The following GDI2 variants were observed in gnomAD, a reference collection of about 807,000 sequenced individuals.
GDI2 encodes the protein rab GDP dissociation inhibitor beta.
Under a neutral mutation model 54.2 loss-of-function variants are expected in GDI2, and 22 were observed. That is an observed-to-expected ratio of 0.41 (90% CI 0.29 to 0.58). The LOEUF is 0.58. Ranked by LOEUF, GDI2 falls within the 20% of genes least tolerant of loss-of-function variation. The pLI is 0.35. For synonymous variants in GDI2, 177 were observed against 182.1 expected (o/e 0.97, Z 0.23); for missense variants, 422 against 546.0 (o/e 0.77, Z 2.26).
In GDI2 at chr10:5,785,849, T is replaced by TA; in HGVS notation, c.587+2dup. ...ATACAAATCTAAAAACCAAAATACT[T>TA]ACTCATCAGTTCTGTAAAGTGCAAG... is the stretch of plus-strand genomic sequence containing the variant. On this transcript the variant is annotated splice_region_variant and intron_variant, in intron 5 of 10. Transcript: ENST00000380191. 6.5e-7 allele frequency: 1 copy of TA among 1,539,226 alleles called. No individual in the cohort carries two copies. The highest frequency in any genetic ancestry group is 8.9e-7 in the Non-Finnish European group (1 of 1,121,830).
intron 6 of GDI2, among the ~76,000 whole-genome samples, chr10:5,779,555 C>T (rs1045101900): frequency 2.0e-5 from 3 of 150,294 alleles, no homozygotes; most frequent in African/African-American, 7.3e-5. Flanking sequence ...TAGATCTAGA[C>T]AGTATAAAAA....
rs760404057 is a variant in GDI2, at chr10:5,800,631, T to G, written c.120A>C (p.Gly40=). 6.3e-7 allele frequency: 1 copy of G among 1,590,866 alleles called. No homozygotes were observed. Among genetic ancestry groups the G allele is most frequent in the Non-Finnish European group, 8.6e-7 (1 of 1,158,726 alleles). Residue 40 remains glycine (G), a synonymous_variant, in exon 2 of 11, where the codon GGA becomes GGC. Coordinates refer to ENST00000380191, the MANE Select transcript of GDI2 (RefSeq NM_001494.4). Reference sequence around the variant, plus strand: ...ATGGTGTTATAGATGCACTCTCTCCTCCGTAGTAAGGGTTTCGATCCATAT... The same window carrying G: ...ATGGTGTTATAGATGCACTCTCTCCGCCGTAGTAAGGGTTTCGATCCATAT... ...VLHMDRNPYY[G]GESASITPLE... is the part of the protein sequence containing the mutation.
chr10:5,800,319 T>C (rs1841240502), intron 2 of GDI2, among the ~76,000 whole-genome samples: 3 of 151,920 alleles, frequency 2.0e-5, no homozygotes, highest in Admixed American at 2.0e-4. Flanking sequence ...AATAAAGCCA[T>C]GAGGAAAGCA....
rs1365384754 is a variant in GDI2 at position 5,766,735 on chromosome 10, A to G, written c.992-97T>C. The G allele has an allele frequency of 1.1e-6, 1 of 889,300 alleles. No homozygotes were observed. Among genetic ancestry groups the G allele is most frequent in the Non-Finnish European group, 1.8e-6 (1 of 553,220 alleles). 55.1% of individuals were successfully genotyped at this position (889,300 alleles called of 1,614,324 possible). On this transcript the variant is annotated intron_variant, in intron 8 of 10. Coordinates refer to ENST00000380191, the MANE Select transcript of GDI2 (RefSeq NM_001494.4). The surrounding 1 kb of genome is among the most constrained non-coding windows in gnomAD (Gnocchi z 5.8). ...CATATGTCATGAGGTGTGAGTTAAA[A>G]TTACTCTCAATAGGCAAGATCTTCT... is the stretch of plus-strand genomic sequence containing the variant.
chr10:5,774,078 A>T lies in GDI2; in HGVS notation c.720-137T>A, dbSNP rs1840562104. ...CTAGAAAGATGTCAGCTTAGAAGTG[A>T]TTAAAGCAAGAAAACAGAGTCAAAA... On this transcript the variant is annotated intron_variant, in intron 6 of 10. Coordinates refer to ENST00000380191, the MANE Select transcript of GDI2 (RefSeq NM_001494.4). The surrounding 1 kb of genome is among the most constrained non-coding windows in gnomAD (Gnocchi z 4.8). The T allele has an allele frequency of 2.1e-6, 1 of 484,620 alleles. No individual in the cohort carries two copies. Among genetic ancestry groups the T allele is most frequent in the Non-Finnish European group, 3.6e-6 (1 of 280,188 alleles). 30.0% of individuals were successfully genotyped at this position (484,620 alleles called of 1,614,324 possible). A position where few individuals can be genotyped will look rare whatever the true frequency, so the allele number is the denominator to read the frequency against.
chr10:5,768,481 T>C lies in GDI2; in HGVS notation c.820-97A>G. 2 of 743,788 alleles carry C rather than the reference T, an allele frequency of 2.7e-6. No individual in the cohort carries two copies. Among genetic ancestry groups the C allele is most frequent in the Non-Finnish European group, 4.5e-6 (2 of 449,054 alleles). The allele number at this position is 743,788 out of a possible 1,614,324, so 46.1% of individuals were successfully genotyped here. On this transcript the variant is annotated intron_variant, in intron 7 of 10. Transcript: ENST00000380191. This position sits in a 1 kb window ranked among gnomAD's most constrained non-coding sequence, Gnocchi z 4.4. ...TGGAAGACTTAGTATTGTTAAGATATCAAAAACCATCCTCAAGTTCATATT... is the reference window on the plus strand; with the variant it reads ...TGGAAGACTTAGTATTGTTAAGATACCAAAAACCATCCTCAAGTTCATATT...
chr10:5,780,165 T>C (rs113640879), intron 6 of GDI2, among the ~76,000 whole-genome samples: 2,526 of 150,928 alleles, frequency 0.017, 23 homozygotes, highest in Middle Eastern at 0.042. Context: ...GCCAAGATCA[T>C]GCCACTGCAC....
At chr10:5,812,189 TG>T (rs1404242349) in intron 1 of GDI2, among the ~76,000 whole-genome samples, 2 of 147,352 alleles carry the variant, frequency 1.4e-5, no homozygotes, top group African/African-American at 5.0e-5. Context: ...TGAATTCTTT[TG>T]CAAGATGAAC....
chr10:5,771,017 A>C (rs1353850626), intron 7 of GDI2, among the ~76,000 whole-genome samples: 3 of 63,632 alleles, frequency 4.7e-5, no homozygotes, highest in Non-Finnish European at 1.1e-4. Flanking sequence ...ACTTTATCAC[A>C]AAAAAAAAAA....
At chr10:5,803,911 C>T (rs1392747647) in intron 1 of GDI2, among the ~76,000 whole-genome samples, 1 of 152,064 alleles carries the variant, frequency 6.6e-6, no homozygotes, top group East Asian at 1.9e-4. Flanking sequence ...ATCCAAAGGA[C>T]CCTAGATGTC....
chr10:5,792,442 C>T (rs932770836), intron 4 of GDI2, among the ~76,000 whole-genome samples: 1 of 152,192 alleles, frequency 6.6e-6, no homozygotes, highest in Non-Finnish European at 1.5e-5. Context: ...TACTTATCCA[C>T]CCATCTCTTG....
chr10:5,800,821 A>T (rs566384608), intron 1 of GDI2, 116 bp from the exon 2 acceptor site: 8 of 680,056 alleles, frequency 1.2e-5, no homozygotes, highest in Non-Finnish European at 2.1e-5. Context: ...TATTCATGCA[A>T]CATGACATAA....
At chr10:5,789,109 T>TA (rs1477399377) in intron 4 of GDI2, among the ~76,000 whole-genome samples, 17 of 145,368 alleles carry the variant, frequency 1.2e-4, no homozygotes, top group African/African-American at 3.0e-4. Context: ...TTTTACTTGA[T>TA]TTTTTTTTTT....
chr10:5,776,717 G>C lies in GDI2; in HGVS notation c.720-2776C>G. 3 of 1,473,416 alleles carry C rather than the reference G, an allele frequency of 2.0e-6. No individual in the cohort carries two copies. The highest frequency in any genetic ancestry group is 2.8e-6 in the Non-Finnish European group (3 of 1,057,906). 91.3% of individuals were successfully genotyped at this position (1,473,416 alleles called of 1,614,324 possible). ...GCCGCCACATTCAGAAACTGCTACA[G>C]CCTCTTTAACCTGGCAGAAGTTTGC... On this transcript the variant is annotated intron_variant, in intron 6 of 10. Coordinates refer to ENST00000380191, the MANE Select transcript of GDI2 (RefSeq NM_001494.4). This position sits in a 1 kb window ranked among gnomAD's most constrained non-coding sequence, Gnocchi z 5.3.
chr10:5,801,194 C>A lies in GDI2; in HGVS notation c.46-489G>T, dbSNP rs192412895. ...TCTTGAACTCCTGACCTCAGGTGATCCTCCCGCCTCAGCCTCCCAAAGTGC... is the reference window on the plus strand; with the variant it reads ...TCTTGAACTCCTGACCTCAGGTGATACTCCCGCCTCAGCCTCCCAAAGTGC... On this transcript the variant is annotated intron_variant, in intron 1 of 10. Coordinates refer to ENST00000380191, the MANE Select transcript of GDI2 (RefSeq NM_001494.4). Among the ~76,000 whole-genome samples, 324 of 152,158 alleles carry A rather than the reference C, an allele frequency of 2.1e-3. 3 individuals are homozygous for A. Among genetic ancestry groups the A allele is most frequent in the African/African-American group, 7.4e-3 (309 of 41,546 alleles).
chr10:5,804,201 C>A (rs939939996), intron 1 of GDI2, among the ~76,000 whole-genome samples: 43 of 152,050 alleles, frequency 2.8e-4, no homozygotes, highest in African/African-American at 1.0e-3. Flanking sequence ...TCAAGCTATT[C>A]TCCTGCCTCA....
intron 3 of GDI2, 24 bp downstream of exon 3, chr10:5,796,739 A>G: frequency 3.7e-6 from 4 of 1,089,502 alleles, no homozygotes; most frequent in Non-Finnish European, 5.7e-6. Context: ...GTACTGTCAT[A>G]AATTTAAGTT....
rs926149312 is a variant in GDI2, at chr10:5,786,457, G to C, written c.389-407C>G. On this transcript the variant is annotated intron_variant, in intron 4 of 10. Coordinates refer to ENST00000380191, the MANE Select transcript of GDI2 (RefSeq NM_001494.4). ...GCTGAGATTACAGGCATGAGCCACC[G>C]CGCCTAAAATGCAGGATGCAATTTA... Among the ~76,000 whole-genome samples the C allele has an allele frequency of 4.0e-5, 6 of 151,828 alleles. No homozygotes were observed. In the East Asian group the frequency reaches 1.2e-3, roughly 29 times the overall value.
intron 6 of GDI2, 37 bp downstream of exon 6, chr10:5,785,105 G>C (rs759371011): frequency 2.0e-6 from 3 of 1,498,406 alleles, no homozygotes; most frequent in South Asian, 2.6e-5. Flanking sequence ...TGAAGATGAG[G>C]TTTTGGATCA....
Sources: gnomAD v4.1 joint callset for allele counts (sites outside exome capture counted in the v4.1 genomes callset) on GRCh38, gnomAD v4.1.1 for gene constraint, Gnocchi (gnomAD v3.1) non-coding constraint, MANE v1.5 for transcripts, NCBI Gene and HGNC (gene_info 2026-07-23, HGNC 2026-07-21) for gene names.